Variants in AUNIP observed in about 807,000 individuals in gnomAD.
AUNIP encodes the protein aurora kinase A- and ninein-interacting protein.
AUNIP carries 16 observed loss-of-function variants against 12.2 expected under a neutral mutation model. The observed-to-expected ratio is 1.31, with a 90% CI of 0.88 to 1.99. The LOEUF (loss-of-function observed/expected upper bound fraction) is 1.99. Ranked by LOEUF, AUNIP falls within the 30% of genes most tolerant of loss-of-function variation. The pLI is 0.00. For synonymous variants in AUNIP, 142 were observed against 154.8 expected (o/e 0.92, Z 0.61); for missense variants, 411 against 419.1 (o/e 0.98, Z 0.17).
chr1:25,838,055 A>G (rs1161413300), intron 1 of AUNIP, among the ~76,000 whole-genome samples: 2 of 150,532 alleles, frequency 1.3e-5, no homozygotes, highest in South Asian at 2.1e-4. Context: ...CCTGACCAAC[A>G]TGGCGAAACC....
At chr1:25,837,061 TAGAC>T (rs540043005) in intron 2 of AUNIP, among the ~76,000 whole-genome samples, 170 of 152,294 alleles carry the variant, frequency 1.1e-3, no homozygotes, top group Admixed American at 2.1e-3. Context: ...TAATTAACCT[TAGAC>T]AGAGTACCCA....
At chr1:25,858,345 T>C (rs570155768) in intron 1 of AUNIP, among the ~76,000 whole-genome samples, 13 of 152,316 alleles carry the variant, frequency 8.5e-5, no homozygotes, top group African/African-American at 3.1e-4. Flanking sequence ...TAGGTATTGT[T>C]GTTATTATTT....
intron 1 of AUNIP, among the ~76,000 whole-genome samples, chr1:25,841,117 G>C (rs1197070021): frequency 6.6e-6 from 1 of 152,210 alleles, no homozygotes; most frequent in African/African-American, 2.4e-5. Flanking sequence ...CCGTAGGTCA[G>C]AGTGCGGTCA....
rs1197253426 is a variant in AUNIP at position 25,834,143 on chromosome 1, T to C, written c.*850A>G. The C allele has an allele frequency of 1.0e-6, 1 of 985,172 alleles. No homozygotes were observed. The highest frequency in any genetic ancestry group is 1.7e-5 in the African/African-American group (1 of 57,334). 61.0% of individuals were successfully genotyped at this position (985,172 alleles called of 1,614,324 possible). ...AAGGGAGATATTTAAACATAGAGTA[T>C]ATAACTTTAAAGTGCTGTACAGTTA... On this transcript the variant is annotated 3_prime_UTR_variant, in exon 3 of 3. Transcript: ENST00000374298.
chr1:25,835,819 C>T lies in AUNIP; in HGVS notation c.248G>A (p.Ser83Asn). Residue 83 changes from serine (S) to asparagine (N), a missense_variant, in exon 3 of 3, where the codon AGT becomes AAT. Ser to Asn is a conservative substitution (Grantham distance 46). Transcript: ENST00000374298. ...PGKTNGSDQK[S>N]VSSHTESQIN... ...CTGACTTTCTGTATGAGATGAAACACTCTTCTGGTCACTGCCATTTGTCTT... is the reference window on the plus strand; with the variant it reads ...CTGACTTTCTGTATGAGATGAAACATTCTTCTGGTCACTGCCATTTGTCTT... 6.2e-7 allele frequency: 1 copy of T among 1,613,792 alleles called. No individual in the cohort carries two copies. Among genetic ancestry groups the T allele is most frequent in the Non-Finnish European group, 8.5e-7 (1 of 1,179,682 alleles).
chr1:25,846,089 T>C (rs1161794370), intron 1 of AUNIP, among the ~76,000 whole-genome samples: 1 of 152,178 alleles, frequency 6.6e-6, no homozygotes, highest in East Asian at 1.9e-4. Flanking sequence ...GGAGACCTGA[T>C]ATGTCTACAT....
chr1:25,831,987 T>G, downstream of AUNIP: 1 of 1,614,228 alleles, frequency 6.2e-7, no homozygotes, highest in Non-Finnish European at 8.5e-7. Flanking sequence ...GGAGGAAGTT[T>G]GCTCTAAAGG....
chr1:25,859,118 T>A (rs1477451422), intron 1 of AUNIP, among the ~76,000 whole-genome samples, 162 bp downstream of exon 1: 1 of 152,018 alleles, frequency 6.6e-6, no homozygotes, highest in Non-Finnish European at 1.5e-5. Flanking sequence ...TTTTCAACCT[T>A]CTTCAGACCA....
chr1:25,856,570 G>C (rs560608238), intron 1 of AUNIP, among the ~76,000 whole-genome samples: 1 of 152,114 alleles, frequency 6.6e-6, no homozygotes, highest in South Asian at 2.1e-4. Context: ...AGCTACTCTG[G>C]AGACTGAGGC....
chr1:25,835,711 A>G lies in AUNIP; in HGVS notation c.356T>C (p.Leu119Ser). ...GATGTCTGCAGTGGTTGAAGTGGCT[A>G]AAGGGGATGCCATGCAATCGTGTGC... Reference protein sequence around the residue: ...GLAHDCMASPLATSTTADIQE... With the variant: ...GLAHDCMASPSATSTTADIQE... The change falls in exon 3 of 3, where the codon TTA (leucine) becomes TCA (serine). Residue 119 changes from leucine (L) to serine (S), a missense_variant. Physicochemically the swap from Leu to Ser is moderately radical, Grantham distance 145 (BLOSUM62 -2). Transcript: ENST00000374298. The G allele has an allele frequency of 1.2e-6, 2 of 1,614,196 alleles. No homozygotes were observed. Among genetic ancestry groups the G allele is most frequent in the South Asian group, 1.1e-5 (1 of 91,082 alleles).
At chr1:25,845,647 T>C (rs568077179) in intron 1 of AUNIP, among the ~76,000 whole-genome samples, 19 of 152,236 alleles carry the variant, frequency 1.2e-4, no homozygotes, top group Non-Finnish European at 1.8e-4. Flanking sequence ...CACATACCTT[T>C]TTCCTATCCT....
chr1:25,854,255 G>C (rs2048443640), intron 1 of AUNIP, among the ~76,000 whole-genome samples: 2 of 152,034 alleles, frequency 1.3e-5, no homozygotes, highest in South Asian at 4.1e-4. Context: ...AAGTTACCAA[G>C]TCCAATCCAA....
At chr1:25,856,783 T>C (rs1449304083) in intron 1 of AUNIP, among the ~76,000 whole-genome samples, 1 of 152,068 alleles carries the variant, frequency 6.6e-6, no homozygotes, top group Non-Finnish European at 1.5e-5. Flanking sequence ...TCTCCTGAAC[T>C]CTTCCTAATT....
intron 1 of AUNIP, among the ~76,000 whole-genome samples, chr1:25,841,751 C>T (rs2048348985): frequency 6.6e-6 from 1 of 152,094 alleles, no homozygotes; most frequent in Non-Finnish European, 1.5e-5. Context: ...GTCTCGATCT[C>T]CTGACCTCGT....
chr1:25,832,044 A>G, downstream of AUNIP: 2 of 1,614,114 alleles, frequency 1.2e-6, no homozygotes, highest in Non-Finnish European at 1.7e-6. Flanking sequence ...CAGCTCTGCA[A>G]ACTCAGTCTC....
intron 1 of AUNIP, among the ~76,000 whole-genome samples, chr1:25,856,567 C>T (rs1241030109): frequency 6.6e-6 from 1 of 151,864 alleles, no homozygotes; most frequent in African/African-American, 2.4e-5. Context: ...CCCAGCTACT[C>T]TGGAGACTGA....
At chr1:25,836,493 G>C (rs1295211974) in intron 2 of AUNIP, among the ~76,000 whole-genome samples, 1 of 152,182 alleles carries the variant, frequency 6.6e-6, no homozygotes, top group East Asian at 1.9e-4. Flanking sequence ...GCATAGAGTG[G>C]ATTCTGTTCT....
intron 1 of AUNIP, among the ~76,000 whole-genome samples, chr1:25,856,278 C>T (rs1199232029): frequency 6.6e-6 from 1 of 151,608 alleles, no homozygotes; most frequent in Non-Finnish European, 1.5e-5. Context: ...GGCAGAGAAT[C>T]GCTTGAATCT....
rs1044638985 is a variant in AUNIP, at chr1:25,847,855, G to T, written c.79-10301C>A. 1.3e-5 allele frequency among the ~76,000 whole-genome samples: 2 copies of T among 152,124 alleles called. No individual in the cohort carries two copies. Among genetic ancestry groups the T allele is most frequent in the African/African-American group, 4.8e-5 (2 of 41,442 alleles). On this transcript the variant is annotated intron_variant, in intron 1 of 2. Transcript: ENST00000374298. The surrounding 1 kb of genome is among the most constrained non-coding windows in gnomAD (Gnocchi z 4.2). ...TGCTACTTGGGAGGCTGAGGTGAGA[G>T]AATCGATTGAGCCCGGGAGGCAGAG...
Sources: allele counts gnomAD v4.1 joint callset (sites outside exome capture counted in the v4.1 genomes callset), GRCh38; gene constraint gnomAD v4.1.1; non-coding constraint Gnocchi (gnomAD v3.1); transcripts MANE v1.5; gene names NCBI Gene and HGNC (gene_info 2026-07-23, HGNC 2026-07-21).